USP16: variants seen among roughly 807,000 people sequenced by gnomAD.
USP16 encodes the protein ubiquitin carboxyl-terminal hydrolase 16.
A neutral mutation model predicts 95.9 loss-of-function variants in USP16; 77 were observed. That is an observed-to-expected ratio of 0.80 (90% CI 0.67 to 0.97). USP16 has a LOEUF of 0.97. Among genes scored for constraint, USP16 ranks in the 50% least tolerant of loss-of-function variants. The pLI, the probability that USP16 is intolerant of heterozygous loss-of-function variation, is 0.00. For synonymous variants in USP16, 303 were observed against 318.2 expected (o/e 0.95, Z 0.51); for missense variants, 943 against 959.9 (o/e 0.98, Z 0.23).
intron 3 of USP16, among the ~76,000 whole-genome samples, chr21:29,033,442 G>T (rs8128151): frequency 0.89 from 135,479 of 152,294 alleles, 60,556 homozygotes; most frequent in African/African-American, 0.95. Context: ...TATATTTAGC[G>T]GCAATGGAAA....
intron 14 of USP16, 30 bp downstream of exon 14, chr21:29,047,351 T>TTAA: frequency 6.4e-7 from 1 of 1,572,966 alleles, no homozygotes; most frequent in Non-Finnish European, 8.6e-7. Context: ...GTAAGTAAAA[T>TTAA]TAATATTCAG....
chr21:29,036,403 C>G (rs543460012), intron 5 of USP16, 29 bp downstream of exon 5: 1 of 1,591,622 alleles, frequency 6.3e-7, no homozygotes, highest in Admixed American at 1.7e-5. Context: ...TTAATATACA[C>G]CAAATGTCGA....
At chr21:29,045,245 C>T (rs888888263) in intron 13 of USP16, among the ~76,000 whole-genome samples, 2 of 152,072 alleles carry the variant, frequency 1.3e-5, no homozygotes, top group Admixed American at 1.3e-4. Context: ...TGTTTGCTGC[C>T]CTTCATTCTT....
At chr21:29,037,918 CAGTA>C (rs369634800) in intron 6 of USP16, among the ~76,000 whole-genome samples, 2 of 152,288 alleles carry the variant, frequency 1.3e-5, no homozygotes, top group African/African-American at 4.8e-5. Flanking sequence ...TATTGCATGA[CAGTA>C]AGAGAGTTTG....
At position 29,030,775 on chromosome 21, in the gene USP16, T is replaced by G; in HGVS notation, c.240+2T>G. On this transcript the variant is annotated splice_donor_variant, in intron 3 of 17. Transcript: ENST00000399976. LOFTEE classifies it high-confidence loss of function. Reference sequence around the variant, plus strand: ...CTGTGTCTTAAATGTGGCCATCAGGTATGCTTACGTTTTAAGATCAATATG... The same window carrying G: ...CTGTGTCTTAAATGTGGCCATCAGGGATGCTTACGTTTTAAGATCAATATG... 2 of 1,594,240 alleles carry G rather than the reference T, an allele frequency of 1.3e-6. No homozygotes were observed. Among genetic ancestry groups the G allele is most frequent in the Non-Finnish European group, 1.7e-6 (2 of 1,174,100 alleles).
At chr21:29,040,307 CT>C (rs1355776227) in intron 9 of USP16, among the ~76,000 whole-genome samples, 1 of 152,112 alleles carries the variant, frequency 6.6e-6, no homozygotes, top group Non-Finnish European at 1.5e-5. Flanking sequence ...AATCATTGTG[CT>C]TGTAGGACAA....
In USP16 at chr21:29,054,455, T is replaced by TCA; in HGVS notation, c.*271_*272dup. On this transcript the variant is annotated 3_prime_UTR_variant, in exon 18 of 18. Transcript: ENST00000399976. ...GTGTTTAATATATCTGGGTGATGGA[T>TCA]CACAACACATCAATAAACTGACTTA... 1 of 376,632 alleles carries TCA rather than the reference T, an allele frequency of 2.7e-6. No individual in the cohort carries two copies. Among genetic ancestry groups the TCA allele is most frequent in the South Asian group, 3.9e-5 (1 of 25,838 alleles). The allele number at this position is 376,632 out of a possible 1,614,324, so 23.3% of individuals were successfully genotyped here.
chr21:29,047,009 A>G lies in USP16; in HGVS notation c.1699A>G (p.Asn567Asp), dbSNP rs1426491464. Residue 567 changes from asparagine to aspartate, a missense_variant, in exon 14 of 18, where the codon AAT becomes GAT. Transcript: ENST00000399976. ...LNGAYLTEGS[N>D]GEVDISNGFK... is the part of the protein sequence containing the mutation. ...TGGTGCCTACCTAACGGAAGGGAGC[A>G]ATGGAGAAGTGGACATTTCCAATGG... The G allele has an allele frequency of 1.9e-6, 3 of 1,614,162 alleles. No homozygotes were observed. Among genetic ancestry groups the G allele is most frequent in the Non-Finnish European group, 2.5e-6 (3 of 1,180,030 alleles).
At chr21:29,039,340 C>A in intron 8 of USP16, 141 bp from the exon 9 acceptor site, 1 of 1,112,190 alleles carries the variant, frequency 9.0e-7, no homozygotes, top group Non-Finnish European at 1.2e-6. Context: ...TTAAATCTCC[C>A]AAGGGTGTTA....
chr21:29,036,139 C>A lies in USP16; in HGVS notation c.345-132C>A, dbSNP rs79113181. 1.6e-3 allele frequency: 1,100 copies of A among 706,486 alleles called. 14 individuals carry two copies. The East Asian group carries it at 0.028, about 18-fold the overall frequency. 43.8% of individuals were successfully genotyped at this position (706,486 alleles called of 1,614,324 possible). A position where few individuals can be genotyped will look rare whatever the true frequency, so the allele number is the denominator to read the frequency against. On this transcript the variant is annotated intron_variant, in intron 4 of 17. Transcript: ENST00000399976. ...ATATGCATAGTCTTCTTCAGGAAAACAGAATTTTTACGTTCGGTTTCTTTA... is the reference window on the plus strand; with the variant it reads ...ATATGCATAGTCTTCTTCAGGAAAAAAGAATTTTTACGTTCGGTTTCTTTA...
At chr21:29,053,174 T>C (rs192418271) in intron 16 of USP16, 2 of 152,578 alleles carry the variant, frequency 1.3e-5, no homozygotes, top group East Asian at 3.9e-4. Context: ...ACAGTACTAC[T>C]GAAGGGCCGT....
At chr21:29,048,273 G>C (rs1235680510) in intron 14 of USP16, among the ~76,000 whole-genome samples, 1 of 152,026 alleles carries the variant, frequency 6.6e-6, no homozygotes, top group Non-Finnish European at 1.5e-5. Flanking sequence ...AATAGAGATA[G>C]GGTTTCGCCA....
At position 29,046,836 on chromosome 21, in the gene USP16, G is replaced by T. The variant is rs2085331288; in HGVS notation, c.1526G>T (p.Cys509Phe). Residue 509 changes from cysteine to phenylalanine, a missense_variant, in exon 14 of 18, where the codon TGT (cysteine) becomes TTT (phenylalanine). By Grantham distance (205) the Cys-to-Phe change is radical. Coordinates refer to ENST00000399976, the MANE Select transcript of USP16 (RefSeq NM_006447.3). The stretch of plus-strand genomic sequence containing the variant: ...GAGGGTGTTATGCATAAAGAATATT[G>T]TGTCAACCAGAAAGATTTGAATGGC... Reference protein sequence around the residue: ...SQEGVMHKEYCVNQKDLNGQA... With the variant: ...SQEGVMHKEYFVNQKDLNGQA... 6.2e-7 allele frequency: 1 copy of T among 1,613,990 alleles called. No individual in the cohort carries two copies.
chr21:29,046,616 TC>T, intron 13 of USP16, 50 bp from the exon 14 acceptor site: 1 of 1,524,312 alleles, frequency 6.6e-7, no homozygotes, highest in Non-Finnish European at 8.8e-7. Context: ...CCTCCTTTTC[TC>T]CCGCTCTTTC....
intron 4 of USP16, among the ~76,000 whole-genome samples, chr21:29,035,993 T>G (rs1428304639): frequency 6.6e-6 from 1 of 152,238 alleles, no homozygotes; most frequent in Non-Finnish European, 1.5e-5. Context: ...TTAAAATATA[T>G]GTAAACAATC....
chr21:29,054,290 A>G lies in USP16; in HGVS notation c.*103A>G, dbSNP rs2085462515. ...TAAAATCATGTTCACTTAACATTAA[A>G]TACATGCCAGAAGAAATCATGTTTA... On this transcript the variant is annotated 3_prime_UTR_variant, in exon 18 of 18. Transcript: ENST00000399976. 61 of 1,335,554 alleles carry G rather than the reference A, an allele frequency of 4.6e-5. No homozygotes were observed. The South Asian group carries it at 8.3e-4, about 18-fold the overall frequency. 82.7% of individuals were successfully genotyped at this position (1,335,554 alleles called of 1,614,324 possible).
chr21:29,042,195 A>C, intron 11 of USP16, 91 bp downstream of exon 11: 1 of 1,183,780 alleles, frequency 8.4e-7, no homozygotes, highest in Non-Finnish European at 1.2e-6. Context: ...CTACCTTCAT[A>C]GGATATCTTT....
chr21:29,052,228 T>C (rs2085426581), intron 16 of USP16: 1 of 152,194 alleles, frequency 6.6e-6, no homozygotes. Context: ...TGAATAGCAA[T>C]GGTCTAGACT....
intron 12 of USP16, 190 bp downstream of exon 12, chr21:29,042,718 A>G: frequency 2.0e-6 from 1 of 509,998 alleles, no homozygotes; most frequent in Non-Finnish European, 3.4e-6. Flanking sequence ...AAGGATGGAA[A>G]AAAAGATGAT....
Sources: allele counts gnomAD v4.1 joint callset (sites outside exome capture counted in the v4.1 genomes callset), GRCh38; gene constraint gnomAD v4.1.1; transcripts MANE v1.5; gene names NCBI Gene and HGNC (gene_info 2026-07-23, HGNC 2026-07-21).